The following PTMS variants were observed in gnomAD, a reference collection of about 807,000 sequenced individuals.
PTMS encodes the protein parathymosin.
Under a neutral mutation model 18.4 loss-of-function variants are expected in PTMS, and 5 were observed. The observed-to-expected ratio is 0.27, with a 90% confidence interval of 0.14 to 0.57. PTMS has a LOEUF of 0.57. PTMS is among the 20% of genes least tolerant of loss of function. PTMS has a pLI of 0.92. For synonymous variants in PTMS, 53 were observed against 47.7 expected, an observed-to-expected ratio of 1.11 and a Z score of -0.46; for missense variants, 93 against 124.6, an observed-to-expected ratio of 0.75 and a Z score of 1.21.
Position 6,770,673 on chromosome 12 carries a change from C to T in PTMS, c.*231C>T. ...GACCTGCTCCATCTGAGCTCTCCAG[C>T]TGGCCCCCAATTGCTCCTCTCTCTC... is the stretch of plus-strand genomic sequence containing the variant. On this transcript the variant is annotated 3_prime_UTR_variant, in exon 5 of 5. Coordinates refer to ENST00000309083, the MANE Select transcript of PTMS (RefSeq NM_002824.6). This position sits in a 1 kb window ranked among gnomAD's most constrained non-coding sequence, Gnocchi z 7.3. 1 of 598,136 alleles carries T rather than the reference C, an allele frequency of 1.7e-6. No homozygotes were observed. The highest frequency in any genetic ancestry group is 3.0e-6 in the Non-Finnish European group (1 of 335,570). 37.1% of individuals were successfully genotyped at this position (598,136 alleles called of 1,614,324 possible). A position where few individuals can be genotyped will look rare whatever the true frequency, so the allele number is the denominator to read the frequency against.
intron 1 of PTMS, among the ~76,000 whole-genome samples, chr12:6,768,775 G>A: frequency 6.6e-6 from 1 of 152,212 alleles, no homozygotes; most frequent in South Asian, 2.1e-4. Flanking sequence ...GGGGCTGGCT[G>A]GTGGGAGGGT....
chr12:6,770,898 CT>C lies in PTMS; in HGVS notation c.*457del. 5.7e-6 allele frequency: 1 copy of C among 176,174 alleles called. No individual in the cohort carries two copies. The highest frequency in any genetic ancestry group is 1.2e-5 in the Non-Finnish European group (1 of 82,558). The allele number at this position is 176,174 out of a possible 1,614,324, so 10.9% of individuals were successfully genotyped here. On this transcript the variant is annotated 3_prime_UTR_variant, in exon 5 of 5. Transcript: ENST00000309083. The surrounding 1 kb of genome is among the most constrained non-coding windows in gnomAD (Gnocchi z 7.3). ...GGGGCCGAGCCCCACAGCTGCCCCC[CT>C]CCCCTCCCTTTTTGTATAATTTAAT...
Position 6,770,013 on chromosome 12 carries a change from G to A in PTMS, c.196+14G>A, listed in dbSNP as rs1295292437. The A allele has an allele frequency of 6.4e-7, 1 of 1,559,590 alleles. No individual in the cohort carries two copies. The highest frequency in any genetic ancestry group is 2.4e-5 in the East Asian group (1 of 41,278). On this transcript the variant is annotated intron_variant, in intron 3 of 4. Coordinates refer to ENST00000309083, the MANE Select transcript of PTMS (RefSeq NM_002824.6). The surrounding 1 kb of genome is among the most constrained non-coding windows in gnomAD (Gnocchi z 7.3). The stretch of plus-strand genomic sequence containing the variant: ...GGGAAGAAGAAGGTGGGGAGGGGCA[G>A]GGGAGGCTGGGCTGGCAAAGTCTGG...
chr12:6,766,570 C>T lies in PTMS; in HGVS notation c.-136C>T. On this transcript the variant is annotated 5_prime_UTR_variant, in exon 1 of 5. Transcript: ENST00000309083. ...TCCAGAGACCCAGCTTGCCGAGCGG[C>T]CGCCGCTGCCGCTGTCGCCGCCGCC... is the stretch of plus-strand genomic sequence containing the variant. 8.1e-6 allele frequency: 3 copies of T among 370,626 alleles called. No homozygotes were observed. Among genetic ancestry groups the T allele is most frequent in the Admixed American group, 4.5e-5 (1 of 22,334 alleles). The allele number at this position is 370,626 out of a possible 1,614,324, so 23.0% of individuals were successfully genotyped here.
intron 1 of PTMS, chr12:6,769,002 G>T (rs752453023): frequency 1.1e-4 from 18 of 159,064 alleles, no homozygotes; most frequent in Non-Finnish European, 1.9e-4. Flanking sequence ...CTGTTTTGGG[G>T]CGGGGAGGGC....
rs1177901637 is a variant in PTMS, at chr12:6,770,548, GCACCAGAGCTGC to G, written c.*111_*122del. 1 of 1,327,778 alleles carries G rather than the reference GCACCAGAGCTGC, an allele frequency of 7.5e-7. No homozygotes were observed. The highest frequency in any genetic ancestry group is 1.5e-5 in the African/African-American group (1 of 68,642). The allele number at this position is 1,327,778 out of a possible 1,614,324, so 82.2% of individuals were successfully genotyped here. A position where few individuals can be genotyped will look rare whatever the true frequency, so the allele number is the denominator to read the frequency against. On this transcript the variant is annotated 3_prime_UTR_variant, in exon 5 of 5. Coordinates refer to ENST00000309083, the MANE Select transcript of PTMS (RefSeq NM_002824.6). The surrounding 1 kb of genome is among the most constrained non-coding windows in gnomAD (Gnocchi z 7.3). ...CACCTGGCTCCCTGCTCTGGGCCCTGCACCAGAGCTGCCACCCTCTTCTTTCTCCCCAGCCTT... is the reference window on the plus strand; with the variant it reads ...CACCTGGCTCCCTGCTCTGGGCCCTGCACCCTCTTCTTTCTCCCCAGCCTT...
At position 6,770,431 on chromosome 12, in the gene PTMS, G is replaced by T; in HGVS notation, c.298G>T (p.Ala100Ser). The T allele has an allele frequency of 6.2e-7, 1 of 1,612,240 alleles. No individual in the cohort carries two copies. Among genetic ancestry groups the T allele is most frequent in the Non-Finnish European group, 8.5e-7 (1 of 1,179,620 alleles). ...DPKRQKTENG[A>S]SA The stretch of plus-strand genomic sequence containing the variant: ...CAAACGGCAGAAGACAGAAAATGGG[G>T]CATCGGCGTGAGCCCCTGCCAACAG... Residue 100 changes from alanine (A) to serine (S), a missense_variant, in exon 5 of 5, where the codon GCA (alanine) becomes TCA (serine). Physicochemically the swap from Ala to Ser is moderately conservative, Grantham distance 99. Transcript: ENST00000309083. The surrounding 1 kb of genome is among the most constrained non-coding windows in gnomAD (Gnocchi z 7.3).
chr12:6,767,949 A>G (rs961687286), intron 1 of PTMS, among the ~76,000 whole-genome samples: 7 of 152,172 alleles, frequency 4.6e-5, no homozygotes, highest in African/African-American at 1.7e-4. Flanking sequence ...GAATGGCCCA[A>G]CGCTGGGCCA....
chr12:6,766,719 G>T lies in PTMS; in HGVS notation c.14G>T (p.Ser5Ile). The T allele has an allele frequency of 9.0e-7, 1 of 1,115,702 alleles. No homozygotes were observed. 69.1% of individuals were successfully genotyped at this position (1,115,702 alleles called of 1,614,324 possible). A position where few individuals can be genotyped will look rare whatever the true frequency, so the allele number is the denominator to read the frequency against. MSEKSVEAAAELSAK... is the reference protein window; with the variant it reads MSEKIVEAAAELSAK... Reference sequence around the variant, plus strand: ...GGCCCCGGCACCATGTCGGAGAAAAGCGTGGAGGCAGCGGCCGAGTTGAGC... The same window carrying T: ...GGCCCCGGCACCATGTCGGAGAAAATCGTGGAGGCAGCGGCCGAGTTGAGC... Residue 5 changes from serine to isoleucine, a missense_variant, in exon 1 of 5, where the codon AGC becomes ATC. By Grantham distance (142) the Ser-to-Ile change is moderately radical. Coordinates refer to ENST00000309083, the MANE Select transcript of PTMS (RefSeq NM_002824.6).
chr12:6,767,603 G>GGT lies in PTMS; in HGVS notation c.45+854_45+855insTG, dbSNP rs1555110937. The GGT allele has an allele frequency of 1.4e-5, 2 of 139,264 alleles. 1 individual carries two copies. The highest frequency in any genetic ancestry group is 5.3e-5 in the African/African-American group (2 of 37,688). 8.6% of individuals were successfully genotyped at this position (139,264 alleles called of 1,614,324 possible). A position where few individuals can be genotyped will look rare whatever the true frequency, so the allele number is the denominator to read the frequency against. On this transcript the variant is annotated intron_variant, in intron 1 of 4. Coordinates refer to ENST00000309083, the MANE Select transcript of PTMS (RefSeq NM_002824.6). Reference sequence around the variant, plus strand: ...TTGTGTGTGTATGTGTATGGCGGGGGGGGGGGGCGCGGTGGTTGCTGAGGG... The same window carrying GGT: ...TTGTGTGTGTATGTGTATGGCGGGGGGTGGGGGGGCGCGGTGGTTGCTGAGGG...
In PTMS at chr12:6,769,837, C is replaced by T. The variant is rs771458445; in HGVS notation, c.118-84C>T. On this transcript the variant is annotated intron_variant, in intron 2 of 4. Coordinates refer to ENST00000309083, the MANE Select transcript of PTMS (RefSeq NM_002824.6). ...TGTGGCCCATCCCAAGCCCTTTTAT[C>T]ACCCAGGCTCCAGTCCCATTGGTGG... 50 of 1,608,612 alleles carry T rather than the reference C, an allele frequency of 3.1e-5. No homozygotes were observed. In the South Asian group the frequency reaches 3.9e-4, roughly 12 times the overall value.
Position 6,766,595 on chromosome 12 carries a change from C to T in PTMS, c.-111C>T. On this transcript the variant is annotated 5_prime_UTR_variant, in exon 1 of 5. Transcript: ENST00000309083. ...CCGCCGCTGCCGCTGTCGCCGCCGC[C>T]GCCGCCACCGCGCCAGGTTCCGGCC... The T allele has an allele frequency of 1.7e-6, 1 of 576,266 alleles. No homozygotes were observed. The allele number at this position is 576,266 out of a possible 1,614,324, so 35.7% of individuals were successfully genotyped here.
At position 6,770,722 on chromosome 12, in the gene PTMS, A is replaced by G; in HGVS notation, c.*280A>G. ...TCTTTGCTCTCTTTCTCCCTCCCCT[A>G]CCAGCCTCATTCTTCCTCCGGTAGC... is the stretch of plus-strand genomic sequence containing the variant. On this transcript the variant is annotated 3_prime_UTR_variant, in exon 5 of 5. Transcript: ENST00000309083. This position sits in a 1 kb window ranked among gnomAD's most constrained non-coding sequence, Gnocchi z 7.3. The G allele has an allele frequency of 1.9e-6, 1 of 522,994 alleles. No homozygotes were observed. Among genetic ancestry groups the G allele is most frequent in the South Asian group, 2.2e-5 (1 of 46,284 alleles). 32.4% of individuals were successfully genotyped at this position (522,994 alleles called of 1,614,324 possible). A position where few individuals can be genotyped will look rare whatever the true frequency, so the allele number is the denominator to read the frequency against.
intron 1 of PTMS, chr12:6,769,140 T>G (rs1051248757): frequency 4.8e-6 from 1 of 206,222 alleles, no homozygotes; most frequent in African/African-American, 2.4e-5. Context: ...CTGGGAGGGA[T>G]GCCCAGGAGA....
At chr12:6,769,809 C>T in intron 2 of PTMS, 112 bp from the exon 3 acceptor site, 1 of 1,605,718 alleles carries the variant, frequency 6.2e-7, no homozygotes, top group Non-Finnish European at 8.5e-7. Context: ...TGCTGCCCCA[C>T]CCTGTGGCCC....
chr12:6,769,238 C>G (rs1941807635), intron 1 of PTMS: 1 of 270,896 alleles, frequency 3.7e-6, no homozygotes, highest in African/African-American at 2.4e-5. Flanking sequence ...CGGAGGGACA[C>G]AGGAGGGGGC....
At position 6,770,179 on chromosome 12, in the gene PTMS, T is replaced by C. The variant is rs532672561; in HGVS notation, c.219T>C (p.Asp73=). The C allele has an allele frequency of 8.7e-6, 14 of 1,613,868 alleles. No homozygotes were observed. Among genetic ancestry groups the C allele is most frequent in the Non-Finnish European group, 1.1e-5 (13 of 1,179,954 alleles). The stretch of plus-strand genomic sequence containing the variant: ...CAGATGAGGAAGAAGAAGAAGAGGA[T>C]GATGAAGGGCCCGCGCTGAAGAGAG... ...EEEDEEEEEE[D]DEGPALKRAA... The change falls in exon 4 of 5, where the codon GAT becomes GAC. Residue 73 remains aspartate, a synonymous_variant. Coordinates refer to ENST00000309083, the MANE Select transcript of PTMS (RefSeq NM_002824.6). This position sits in a 1 kb window ranked among gnomAD's most constrained non-coding sequence, Gnocchi z 7.3.
Position 6,770,017 on chromosome 12 carries a change from A to G in PTMS, c.196+18A>G. 6.4e-7 allele frequency: 1 copy of G among 1,560,666 alleles called. No homozygotes were observed. The highest frequency in any genetic ancestry group is 8.7e-7 in the Non-Finnish European group (1 of 1,152,650). Reference sequence around the variant, plus strand: ...AGAAGAAGGTGGGGAGGGGCAGGGGAGGCTGGGCTGGCAAAGTCTGGGCTC... The same window carrying G: ...AGAAGAAGGTGGGGAGGGGCAGGGGGGGCTGGGCTGGCAAAGTCTGGGCTC... On this transcript the variant is annotated intron_variant, in intron 3 of 4. Coordinates refer to ENST00000309083, the MANE Select transcript of PTMS (RefSeq NM_002824.6). The surrounding 1 kb of genome is among the most constrained non-coding windows in gnomAD (Gnocchi z 7.3).
At chr12:6,769,235 A>G (rs746480974) in intron 1 of PTMS, 1 of 267,922 alleles carries the variant, frequency 3.7e-6, no homozygotes, top group Middle Eastern at 1.2e-3. Flanking sequence ...AGGCGGAGGG[A>G]CACAGGAGGG....
Sources: allele counts gnomAD v4.1 joint callset (sites outside exome capture counted in the v4.1 genomes callset), GRCh38; gene constraint gnomAD v4.1.1; non-coding constraint Gnocchi (gnomAD v3.1); transcripts MANE v1.5; gene names NCBI Gene and HGNC (gene_info 2026-07-23, HGNC 2026-07-21).